The following PCDHAC1 variants were observed in gnomAD, a reference collection of about 807,000 sequenced individuals.
The protein encoded by PCDHAC1 is protocadherin alpha-C1.
A neutral mutation model predicts 60.0 loss-of-function variants in PCDHAC1; 42 were observed. That is an observed-to-expected ratio of 0.70 (90% CI 0.55 to 0.90). The LOEUF (loss-of-function observed/expected upper bound fraction) is 0.90, where lower values mean the gene tolerates loss of function less well. Ranked by LOEUF, PCDHAC1 falls within the 40% of genes least tolerant of loss-of-function variation. PCDHAC1 has a pLI of 0.00. For missense variants in PCDHAC1, 1,160 were observed against 1,222.3 expected (o/e 0.95, Z 0.76); for synonymous variants, 468 against 499.3 (o/e 0.94, Z 0.84).
At chr5:140,966,968 G>T in intron 1 of PCDHAC1, 1 of 1,602,616 alleles carries the variant, frequency 6.2e-7, no homozygotes. Context: ...GCTGGGGCTT[G>T]AGCTGCGGCG....
chr5:140,963,570 G>A (rs1011231723), intron 1 of PCDHAC1, among the ~76,000 whole-genome samples: 6 of 152,180 alleles, frequency 3.9e-5, no homozygotes, highest in African/African-American at 1.2e-4. Flanking sequence ...TTCTGGTTTT[G>A]TTCTCAAAAT....
intron 1 of PCDHAC1, among the ~76,000 whole-genome samples, chr5:140,955,110 T>C (rs915501300): frequency 7.2e-5 from 11 of 152,274 alleles, no homozygotes; most frequent in African/African-American, 2.6e-4. Flanking sequence ...TTCTGAGTTC[T>C]CTATTCTGTT....
At chr5:140,992,820 TG>T (rs1554253214) in intron 3 of PCDHAC1, among the ~76,000 whole-genome samples, 1 of 152,164 alleles carries the variant, frequency 6.6e-6, no homozygotes, top group Non-Finnish European at 1.5e-5. Flanking sequence ...AGGATGTGTT[TG>T]TTTTTTGGGA....
intron 1 of PCDHAC1, among the ~76,000 whole-genome samples, chr5:140,946,611 A>AATATATATATATATATATATAT (rs1554217734): frequency 0.012 from 1,017 of 86,324 alleles, 26 homozygotes; most frequent in Middle Eastern, 0.016. Flanking sequence ...GAAAATGTGA[A>AATATATATATATATATATATAT]ATATATATAT....
In PCDHAC1 at chr5:140,968,471, G is replaced by A. The variant is rs531821868; in HGVS notation, c.2434-10478G>A. On this transcript the variant is annotated intron_variant, in intron 1 of 3. Coordinates refer to ENST00000253807, the MANE Select transcript of PCDHAC1 (RefSeq NM_018898.5). ...CAGCACTGTGACTGCCAACGTATAT[G>A]TGGTGGACATGAATGACCATGCCCC... 3.3e-5 allele frequency: 54 copies of A among 1,614,154 alleles called. No homozygotes were observed. The South Asian group carries it at 5.7e-4, about 17-fold the overall frequency.
intron 1 of PCDHAC1, chr5:140,968,943 T>G (rs1429261485): frequency 1.2e-6 from 2 of 1,614,128 alleles, no homozygotes; most frequent in Non-Finnish European, 1.7e-6. Context: ...ATCATCATTT[T>G]GAGCATCATC....
rs377370256 is a variant in PCDHAC1 at position 140,966,811 on chromosome 5, G to A, written c.2434-12138G>A. On this transcript the variant is annotated intron_variant, in intron 1 of 3. Transcript: ENST00000253807. ...GACCTGCGGCGACAGAGCATCCACGGCTCCGGCGGCCCATGCCCTGGCTGC... is the reference window on the plus strand; with the variant it reads ...GACCTGCGGCGACAGAGCATCCACGACTCCGGCGGCCCATGCCCTGGCTGC... The A allele has an allele frequency of 1.4e-5, 21 of 1,549,722 alleles. No individual in the cohort carries two copies. The African/African-American group carries it at 2.6e-4, about 19-fold the overall frequency.
chr5:140,964,472 T>A (rs1160731930), intron 1 of PCDHAC1, among the ~76,000 whole-genome samples: 1 of 152,074 alleles, frequency 6.6e-6, no homozygotes, highest in Non-Finnish European at 1.5e-5. Context: ...GTGCCTATGA[T>A]TTTTTCACAG....
At chr5:140,992,807 C>G (rs781970284) in intron 3 of PCDHAC1, among the ~76,000 whole-genome samples, 6 of 152,108 alleles carry the variant, frequency 3.9e-5, no homozygotes, top group Non-Finnish European at 4.4e-5. Flanking sequence ...CCATATGTAT[C>G]TAAGGATGTG....
intron 3 of PCDHAC1, among the ~76,000 whole-genome samples, chr5:140,997,698 ATGTT>A (rs1297045627): frequency 1.4e-5 from 2 of 145,558 alleles, no homozygotes; most frequent in African/African-American, 5.1e-5. Flanking sequence ...GTGTGTGTGT[ATGTT>A]AACAAACACC....
chr5:141,002,689 T>C (rs2098092113), intron 3 of PCDHAC1, among the ~76,000 whole-genome samples: 1 of 152,186 alleles, frequency 6.6e-6, no homozygotes, highest in African/African-American at 2.4e-5. Context: ...GACGTGCAGA[T>C]TTGTTTAACT....
chr5:140,934,569 A>AT (rs1286294364), intron 1 of PCDHAC1, among the ~76,000 whole-genome samples: 1 of 152,044 alleles, frequency 6.6e-6, no homozygotes, highest in Admixed American at 6.6e-5. Context: ...TTTTTAATTA[A>AT]TTGTAACATT....
intron 1 of PCDHAC1, among the ~76,000 whole-genome samples, chr5:140,938,406 T>C (rs1283027205): frequency 6.6e-6 from 1 of 152,240 alleles, no homozygotes; most frequent in African/African-American, 2.4e-5. Flanking sequence ...ATTGTTTGAT[T>C]GGGTTTATTT....
chr5:140,967,293 A>T, intron 1 of PCDHAC1: 1 of 1,612,824 alleles, frequency 6.2e-7, no homozygotes. Flanking sequence ...CAGGACCCCG[A>T]CGTGGGCGCC....
Position 140,927,970 on chromosome 5 carries a change from G to C in PCDHAC1, c.1078G>C (p.Ala360Pro). 2 of 1,614,216 alleles carry C rather than the reference G, an allele frequency of 1.2e-6. No individual in the cohort carries two copies. The highest frequency in any genetic ancestry group is 1.7e-6 in the Non-Finnish European group (2 of 1,180,046). ...GGACGCTGCCCCTGGCACAGTGATT[G>C]CTCTCTTTAGTGTAAAGGATGAAGA... ...PEDAAPGTVI[A>P]LFSVKDEDLD... The change falls in exon 1 of 4, where the codon GCT (alanine) becomes CCT (proline). Residue 360 changes from alanine (A) to proline (P), a missense_variant. Ala to Pro is a conservative substitution (Grantham distance 27, BLOSUM62 -1). Coordinates refer to ENST00000253807, the MANE Select transcript of PCDHAC1 (RefSeq NM_018898.5).
chr5:140,993,291 C>A (rs961103629), intron 3 of PCDHAC1, among the ~76,000 whole-genome samples: 6 of 152,068 alleles, frequency 3.9e-5, no homozygotes, highest in African/African-American at 1.4e-4. Flanking sequence ...CCCAGGGTCA[C>A]AACCTTGCCT....
intron 1 of PCDHAC1, among the ~76,000 whole-genome samples, chr5:140,942,637 A>C (rs1175766630): frequency 6.6e-6 from 1 of 152,178 alleles, no homozygotes; most frequent in African/African-American, 2.4e-5. Context: ...AAAATGGCAA[A>C]AGAGATCTCA....
chr5:140,933,314 G>A (rs925777839), intron 1 of PCDHAC1, among the ~76,000 whole-genome samples: 2 of 151,914 alleles, frequency 1.3e-5, no homozygotes, highest in Non-Finnish European at 2.9e-5. Flanking sequence ...ATGCAATCTC[G>A]TATTCTCCTG....
chr5:140,943,333 T>C (rs1337058167), intron 1 of PCDHAC1, among the ~76,000 whole-genome samples: 1 of 150,974 alleles, frequency 6.6e-6, no homozygotes, highest in East Asian at 1.9e-4. Flanking sequence ...GTAGTATCCA[T>C]TGGACAGGAT....
Sources: gnomAD v4.1 joint callset for allele counts (sites outside exome capture counted in the v4.1 genomes callset) on GRCh38, gnomAD v4.1.1 for gene constraint, MANE v1.5 for transcripts, NCBI Gene and HGNC (gene_info 2026-07-23, HGNC 2026-07-21) for gene names.